The following ABCC1 variants were observed in gnomAD, a reference collection of about 807,000 sequenced individuals.
ABCC1 encodes ATP binding cassette subfamily C member 1 (ABCC1 blood group).
A neutral mutation model predicts 172.9 loss-of-function variants in ABCC1; 83 were observed. The ratio of observed to expected loss-of-function variants is 0.48; its 90% CI spans 0.40 to 0.58. ABCC1 has a LOEUF of 0.58. ABCC1 is among the 20% of genes least tolerant of loss of function. The pLI, the probability that ABCC1 is intolerant of heterozygous loss-of-function variation, is 0.00. For missense variants in ABCC1, 1,817 were observed against 2,002.7 expected (o/e 0.91, Z 1.77); for synonymous variants, 937 against 825.2 (o/e 1.14, Z -2.32).
At chr16:16,004,782 C>G (rs1481610455) in intron 1 of ABCC1, among the ~76,000 whole-genome samples, 1 of 150,858 alleles carries the variant, frequency 6.6e-6, no homozygotes, top group Non-Finnish European at 1.5e-5. Flanking sequence ...AGCCTCCCTA[C>G]TAGCTGGGAT....
chr16:15,986,314 T>C (rs1338399141), intron 1 of ABCC1, among the ~76,000 whole-genome samples: 2 of 152,138 alleles, frequency 1.3e-5, no homozygotes, highest in Non-Finnish European at 2.9e-5. Flanking sequence ...TGGGCCCACC[T>C]GGATCATCTA....
At chr16:15,954,796 G>A (rs71378214) in intron 1 of ABCC1, among the ~76,000 whole-genome samples, 5 of 151,930 alleles carry the variant, frequency 3.3e-5, no homozygotes, top group African/African-American at 9.7e-5. Context: ...GTGGTAGATG[G>A]GGGGGAAGAA....
At chr16:16,134,621 CG>C in intron 28 of ABCC1, 113 bp downstream of exon 28, 4 of 495,076 alleles carry the variant, frequency 8.1e-6, no homozygotes, top group East Asian at 4.3e-5. Flanking sequence ...CCTACTTCAT[CG>C]TTCTTTTTTT....
At chr16:15,968,414 AT>A (rs1039996298) in intron 1 of ABCC1, among the ~76,000 whole-genome samples, 11 of 147,160 alleles carry the variant, frequency 7.5e-5, no homozygotes, top group African/African-American at 9.9e-5. Flanking sequence ...AGATATAGTA[AT>A]TTTTTTTTTT....
At chr16:16,073,707 T>C (rs1419941634) in intron 14 of ABCC1, among the ~76,000 whole-genome samples, 1 of 152,134 alleles carries the variant, frequency 6.6e-6, no homozygotes, top group East Asian at 1.9e-4. Context: ...TAGTGAGCTA[T>C]GATCATGCCA....
chr16:16,079,247 C>T (rs1402567642), intron 15 of ABCC1, 105 bp from the exon 16 acceptor site: 2 of 1,516,966 alleles, frequency 1.3e-6, no homozygotes, highest in Admixed American at 1.9e-5. Flanking sequence ...TGCCTTCTGT[C>T]TTTCTCTTTC....
intron 25 of ABCC1, 57 bp from the exon 26 acceptor site, chr16:16,125,753 G>GA: frequency 1.5e-6 from 1 of 684,164 alleles, no homozygotes; most frequent in East Asian, 3.3e-5. Flanking sequence ...AAAAGAAAAA[G>GA]GAAAGTCAAG....
chr16:15,957,246 ATT>A (rs1157024430), intron 1 of ABCC1, among the ~76,000 whole-genome samples: 71 of 131,086 alleles, frequency 5.4e-4, no homozygotes, highest in African/African-American at 1.8e-3. Flanking sequence ...TGCCCAGCTA[ATT>A]TTTTTTTTTT....
At chr16:16,091,964 G>A (rs919043915) in intron 19 of ABCC1, among the ~76,000 whole-genome samples, 2 of 152,040 alleles carry the variant, frequency 1.3e-5, no homozygotes, top group Admixed American at 6.5e-5. Context: ...TAGGCTGGGC[G>A]CAGTGGCTCA....
At chr16:15,949,524 G>A (rs1386456226), upstream of ABCC1, 1 of 148,996 alleles carries the variant, frequency 6.7e-6, no homozygotes, top group African/African-American at 2.5e-5. Flanking sequence ...AGCGGGCGCC[G>A]GGGCGGGGCG....
intron 1 of ABCC1, among the ~76,000 whole-genome samples, chr16:15,989,321 C>A (rs76364095): frequency 6.6e-6 from 1 of 152,100 alleles, no homozygotes; most frequent in South Asian, 2.1e-4. Context: ...ACTGCCCACG[C>A]GATGCTGGCT....
intron 26 of ABCC1, 96 bp from the exon 27 acceptor site, chr16:16,131,693 T>C: frequency 1.4e-5 from 20 of 1,455,264 alleles, no homozygotes; most frequent in Non-Finnish European, 1.9e-5. Context: ...GAGGCCACCT[T>C]GGGCAGCAGA....
At chr16:16,002,563 A>G (rs2047352190) in intron 1 of ABCC1, among the ~76,000 whole-genome samples, 1 of 152,200 alleles carries the variant, frequency 6.6e-6, no homozygotes, top group Admixed American at 6.5e-5. Context: ...GCTTGAGCTC[A>G]GGACTTTGAG....
chr16:16,067,630 G>C (rs1331305156), intron 12 of ABCC1, among the ~76,000 whole-genome samples: 3 of 152,184 alleles, frequency 2.0e-5, no homozygotes, highest in South Asian at 4.1e-4. Flanking sequence ...ATGGCAAAGT[G>C]TATGGTTTTT....
At chr16:16,035,453 A>G (rs1254029876) in intron 6 of ABCC1, among the ~76,000 whole-genome samples, 1 of 151,500 alleles carries the variant, frequency 6.6e-6, no homozygotes, top group Non-Finnish European at 1.5e-5. Context: ...ATGCTTTGTC[A>G]TGTCAGCCTT....
intron 20 of ABCC1, among the ~76,000 whole-genome samples, chr16:16,105,185 C>A (rs979284251): frequency 6.6e-6 from 1 of 152,256 alleles, no homozygotes; most frequent in African/African-American, 2.4e-5. Context: ...CACGCTGTCA[C>A]TTCTCAATCT....
chr16:16,130,052 A>G (rs1264572701), intron 26 of ABCC1, among the ~76,000 whole-genome samples: 3 of 152,242 alleles, frequency 2.0e-5, no homozygotes, highest in Admixed American at 2.0e-4. Flanking sequence ...TGTGGGCCTC[A>G]GGAAATGCTG....
At position 16,044,609 on chromosome 16, in the gene ABCC1, C is replaced by G. The variant is rs1442011397; in HGVS notation, c.969C>G (p.Pro323=). Residue 323 remains proline, a synonymous_variant, in exon 8 of 31, where the codon CCC becomes CCG. Coordinates refer to ENST00000399410, the MANE Select transcript of ABCC1 (RefSeq NM_004996.4). ...AGGTGTTATACAAGACCTTTGGGCC[C>G]TACTTCCTCATGAGCTTCTTCTTCA... ...LFKVLYKTFG[P]YFLMSFFFKA... 6.2e-7 allele frequency: 1 copy of G among 1,614,146 alleles called. No individual in the cohort carries two copies.
chr16:16,116,145 T>A (rs1039335005), intron 23 of ABCC1, among the ~76,000 whole-genome samples: 1 of 152,070 alleles, frequency 6.6e-6, no homozygotes, highest in African/African-American at 2.4e-5. Flanking sequence ...ACCTCGTGAT[T>A]CGCCTGCCTC....
Sources: allele counts gnomAD v4.1 joint callset (sites outside exome capture counted in the v4.1 genomes callset), GRCh38; gene constraint gnomAD v4.1.1; transcripts MANE v1.5; gene names NCBI Gene and HGNC (gene_info 2026-07-23, HGNC 2026-07-21).